TMC6: variants seen among roughly 807,000 people sequenced by gnomAD.
The protein encoded by TMC6 is transmembrane channel-like protein 6.
A neutral mutation model predicts 95.4 loss-of-function variants in TMC6; 71 were observed. The observed-to-expected ratio is 0.74, with a 90% CI of 0.61 to 0.91. The LOEUF (loss-of-function observed/expected upper bound fraction) is 0.91, where lower values mean the gene tolerates loss of function less well. Among genes scored for constraint, TMC6 ranks in the 40% least tolerant of loss-of-function variants. The pLI, the probability that TMC6 is intolerant of heterozygous loss-of-function variation, is 0.00. For missense variants in TMC6, 1,074 were observed against 1,079.1 expected, an observed-to-expected ratio of 1.00 and a Z score of 0.07; for synonymous variants, 514 against 483.1, an observed-to-expected ratio of 1.06 and a Z score of -0.84.
intron 14 of TMC6, 59 bp from the exon 15 acceptor site, chr17:78,119,105 G>T: frequency 6.5e-7 from 1 of 1,536,302 alleles, no homozygotes. Context: ...CCGAGATCAG[G>T]CTGGTTCCAG....
intron 1 of TMC6, 84 bp from the exon 2 acceptor site, chr17:78,126,990 G>T: frequency 1.2e-6 from 1 of 848,358 alleles, no homozygotes; most frequent in East Asian, 2.7e-5. Context: ...GGAACCACAG[G>T]AGGTGCCACT....
At chr17:78,128,777 G>T (rs2074873697), upstream of TMC6, 1 of 77,138 alleles carries the variant, frequency 1.3e-5, no homozygotes, top group Non-Finnish European at 2.7e-5. The surrounding 1 kb of genome is among the most constrained non-coding windows in gnomAD (Gnocchi z 4.0). Context: ...GGGAGTAGCC[G>T]CACCTCCCGG....
rs538839900 is a variant in TMC6, at chr17:78,109,570, G to A, written c.*3578C>T. 61 of 455,376 alleles carry A rather than the reference G, an allele frequency of 1.3e-4. 1 individual carries two copies. The highest frequency in any genetic ancestry group is 9.5e-4 in the South Asian group (61 of 64,488). The allele number at this position is 455,376 out of a possible 1,614,324, so 28.2% of individuals were successfully genotyped here. ...CACCTGAGCCCAGGAGGTCGAGGCT[G>A]CAGTGAGCTGTGATCGTGCCACTGT... On this transcript the variant is annotated 3_prime_UTR_variant, in exon 20 of 20. Coordinates refer to ENST00000590602, the MANE Select transcript of TMC6 (RefSeq NM_001127198.5).
intron 13 of TMC6, chr17:78,119,675 T>C: frequency 2.1e-6 from 1 of 481,422 alleles, no homozygotes; most frequent in Admixed American, 3.2e-5. Flanking sequence ...GGCTCTGTTG[T>C]CCGGGCTGGA....
At chr17:78,117,729 C>T (rs1462139618) in intron 16 of TMC6, 73 bp downstream of exon 16, 56 of 1,567,118 alleles carry the variant, frequency 3.6e-5, no homozygotes, top group South Asian at 1.7e-4. Context: ...ACCCCTAAGC[C>T]TTGGGCCCCC....
rs890907638 is a variant in TMC6, at chr17:78,108,494, G to C, written c.*4654C>G. On this transcript the variant is annotated 3_prime_UTR_variant, in exon 20 of 20. Transcript: ENST00000590602. Reference sequence around the variant, plus strand: ...TGAGTTACTACTACAGGGGCAAACTGTACCCGTGCCTGTGCGCTGGGAGAA... The same window carrying C: ...TGAGTTACTACTACAGGGGCAAACTCTACCCGTGCCTGTGCGCTGGGAGAA... 4.8e-5 allele frequency: 6 copies of C among 124,566 alleles called. No homozygotes were observed. The highest frequency in any genetic ancestry group is 2.0e-4 in the African/African-American group (6 of 30,072). The allele number at this position is 124,566 out of a possible 1,614,324, so 7.7% of individuals were successfully genotyped here.
rs937897162 is a variant in TMC6 at position 78,111,607 on chromosome 17, T to C, written c.*1541A>G. On this transcript the variant is annotated 3_prime_UTR_variant, in exon 20 of 20. Transcript: ENST00000590602. ...ACTTGCTGAGGCCCAGAAGCACCAC[T>C]TGGCTCAGATCCACCCAGATGCCAA... 4 of 152,678 alleles carry C rather than the reference T, an allele frequency of 2.6e-5. No homozygotes were observed. Among genetic ancestry groups the C allele is most frequent in the African/African-American group, 7.2e-5 (3 of 41,476 alleles). The allele number at this position is 152,678 out of a possible 1,614,324, so 9.5% of individuals were successfully genotyped here.
chr17:78,120,048 C>T (rs2074331875), intron 13 of TMC6: 1 of 387,264 alleles, frequency 2.6e-6, no homozygotes, highest in Non-Finnish European at 5.0e-6. Flanking sequence ...CCAGAACCCA[C>T]AGCGGAATAC....
At position 78,122,463 on chromosome 17, in the gene TMC6, G is replaced by T. The variant is rs527372612; in HGVS notation, c.1227+142C>A. ...CCCGTCACTGCAAGCAGAAGACCAC[G>T]CCTGCCCAGCGCCCCGAGTTCAGCT... On this transcript the variant is annotated intron_variant, in intron 10 of 19. Transcript: ENST00000590602. This position sits in a 1 kb window ranked among gnomAD's most constrained non-coding sequence, Gnocchi z 4.9. 7.8e-7 allele frequency: 1 copy of T among 1,280,882 alleles called. No individual in the cohort carries two copies. Among genetic ancestry groups the T allele is most frequent in the Non-Finnish European group, 1.1e-6 (1 of 937,088 alleles). 79.3% of individuals were successfully genotyped at this position (1,280,882 alleles called of 1,614,324 possible).
chr17:78,114,339 G>A (rs555501748), intron 18 of TMC6, among the ~76,000 whole-genome samples: 1 of 152,216 alleles, frequency 6.6e-6, no homozygotes, highest in Admixed American at 6.5e-5. Context: ...GGGCCACCAC[G>A]ATAATCTAGG....
In TMC6 at chr17:78,111,828, C is replaced by T; in HGVS notation, c.*1320G>A. 3 of 202,208 alleles carry T rather than the reference C, an allele frequency of 1.5e-5. No homozygotes were observed. In the South Asian group the frequency reaches 1.7e-4, roughly 12 times the overall value. 12.5% of individuals were successfully genotyped at this position (202,208 alleles called of 1,614,324 possible). A position where few individuals can be genotyped will look rare whatever the true frequency, so the allele number is the denominator to read the frequency against. ...TTCATTCCCCCAATCCCAAGCGCAG[C>T]TCCTGCAGGCCTGGAGCCCTGGGCT... On this transcript the variant is annotated 3_prime_UTR_variant, in exon 20 of 20. Coordinates refer to ENST00000590602, the MANE Select transcript of TMC6 (RefSeq NM_001127198.5).
intron 18 of TMC6, among the ~76,000 whole-genome samples, chr17:78,114,853 C>T (rs1436037574): frequency 6.6e-6 from 1 of 152,170 alleles, no homozygotes; most frequent in East Asian, 1.9e-4. Flanking sequence ...AGAGCTCGGC[C>T]TTGGGTAGAC....
upstream of TMC6, chr17:78,132,260 C>A: frequency 1.4e-6 from 2 of 1,479,618 alleles, no homozygotes; most frequent in Non-Finnish European, 1.9e-6. Flanking sequence ...GGGAGCCTGG[C>A]GGGCACCCCA....
chr17:78,125,400 G>A (rs1013137593), intron 5 of TMC6, 137 bp from the exon 6 acceptor site: 30 of 836,650 alleles, frequency 3.6e-5, no homozygotes, highest in Admixed American at 2.2e-4. Context: ...AGCTTCAGTC[G>A]CCAATCAGCC....
chr17:78,117,492 A>T lies in TMC6; in HGVS notation c.2174T>A (p.Val725Asp). Reference sequence around the variant, plus strand: ...CAGCAGCAGGGCTGACACCAGGAAGACAAAGAAGGTGTTTTCCATCAGGTA... The same window carrying T: ...CAGCAGCAGGGCTGACACCAGGAAGTCAAAGAAGGTGTTTTCCATCAGGTA... ...HRYLMENTFF[V>D]FLVSALLLAV... The change falls in exon 17 of 20, where the codon GTC (valine) becomes GAC (aspartate). Residue 725 changes from valine to aspartate, a missense_variant. Coordinates refer to ENST00000590602, the MANE Select transcript of TMC6 (RefSeq NM_001127198.5). 1 of 1,609,478 alleles carries T rather than the reference A, an allele frequency of 6.2e-7. No individual in the cohort carries two copies. Among genetic ancestry groups the T allele is most frequent in the Admixed American group, 1.7e-5 (1 of 59,666 alleles).
chr17:78,125,009 T>C, intron 6 of TMC6, 24 bp from the exon 7 acceptor site: 1 of 1,565,844 alleles, frequency 6.4e-7, no homozygotes, highest in South Asian at 1.2e-5. Flanking sequence ...CAGCCATAGG[T>C]GCCTGGACCA....
rs2074847198 is a variant in TMC6, at chr17:78,128,388, G to A, written c.-75+224C>T. ...GCTCGGCTGGGGGACCTGGGTGGGGGCTGCGGATTTTGCTCCCCGCACTGT... is the reference window on the plus strand; with the variant it reads ...GCTCGGCTGGGGGACCTGGGTGGGGACTGCGGATTTTGCTCCCCGCACTGT... On this transcript the variant is annotated intron_variant, in intron 1 of 19. Coordinates refer to ENST00000590602, the MANE Select transcript of TMC6 (RefSeq NM_001127198.5). This position sits in a 1 kb window ranked among gnomAD's most constrained non-coding sequence, Gnocchi z 4.0. Among the ~76,000 whole-genome samples, 1 of 152,074 alleles carries A rather than the reference G, an allele frequency of 6.6e-6. No homozygotes were observed. The highest frequency in any genetic ancestry group is 1.5e-5 in the Non-Finnish European group (1 of 67,992).
At position 78,124,684 on chromosome 17, in the gene TMC6, C is replaced by G. The variant is rs550861869; in HGVS notation, c.731G>C (p.Ser244Thr). 2 of 1,606,096 alleles carry G rather than the reference C, an allele frequency of 1.2e-6. No individual in the cohort carries two copies. Among genetic ancestry groups the G allele is most frequent in the South Asian group, 1.1e-5 (1 of 90,218 alleles). Residue 244 changes from serine (S) to threonine (T), a missense_variant, in exon 8 of 20, where the codon AGC becomes ACC. By Grantham distance (58) the Ser-to-Thr change is moderately conservative. Transcript: ENST00000590602. ...GAGAAAGAGGAAGTAGGAGAGCACGCTGGAGCCGAACTGGCCCCCGATGCG... is the reference window on the plus strand; with the variant it reads ...GAGAAAGAGGAAGTAGGAGAGCACGGTGGAGCCGAACTGGCCCCCGATGCG... ...LKRIGGQFGS[S>T]VLSYFLFLKT...
In TMC6 at chr17:78,120,696, C is replaced by T. The variant is rs199724291; in HGVS notation, c.1672G>A (p.Val558Ile). Residue 558 changes from valine to isoleucine, a missense_variant, in exon 13 of 20, where the codon GTC becomes ATC. Transcript: ENST00000590602. Reference sequence around the variant, plus strand: ...AAAAGCGTGTCCAGCAACATGAGGACGAAGTCCATCACCAGGAACCGGTAC... The same window carrying T: ...AAAAGCGTGTCCAGCAACATGAGGATGAAGTCCATCACCAGGAACCGGTAC... ...ELYRFLVMDF[V>I]LMLLDTLFGE... The T allele has an allele frequency of 1.7e-4, 276 of 1,614,004 alleles. No individual in the cohort carries two copies. The highest frequency in any genetic ancestry group is 4.1e-4 in the African/African-American group (31 of 75,040).
Sources: allele counts gnomAD v4.1 joint callset (sites outside exome capture counted in the v4.1 genomes callset), GRCh38; gene constraint gnomAD v4.1.1; non-coding constraint Gnocchi (gnomAD v3.1); transcripts MANE v1.5; gene names NCBI Gene and HGNC (gene_info 2026-07-23, HGNC 2026-07-21).